The following ADGRL2 variants were observed in gnomAD, a reference collection of about 807,000 sequenced individuals.
ADGRL2 encodes the protein calcium-independent alpha-latrotoxin receptor 2.
In ADGRL2, 44 loss-of-function variants were observed where a neutral mutation model predicts 157.4. The observed-to-expected ratio is 0.28, with a 90% CI of 0.22 to 0.36. The LOEUF (loss-of-function observed/expected upper bound fraction) is 0.36. Ranked by LOEUF, ADGRL2 falls within the 10% of genes least tolerant of loss-of-function variation. The pLI is 1.00. For missense variants in ADGRL2, 1,510 were observed against 1,768.9 expected (o/e 0.85, Z 2.63); for synonymous variants, 585 against 624.7 (o/e 0.94, Z 0.95).
intron 11 of ADGRL2, among the ~76,000 whole-genome samples, chr1:81,957,758 T>C (rs1654013430): frequency 1.3e-5 from 2 of 152,220 alleles, no homozygotes; most frequent in Non-Finnish European, 2.9e-5. Flanking sequence ...TTATTTTTAA[T>C]GTTGATCTTT....
intron 2 of ADGRL2, among the ~76,000 whole-genome samples, chr1:81,468,852 A>T (rs369747034): frequency 3.3e-5 from 5 of 152,292 alleles, no homozygotes; most frequent in African/African-American, 1.2e-4. Flanking sequence ...ATATACTGAG[A>T]TGGTAAGAGA....
At chr1:81,981,572 T>A (rs1661682375) in intron 18 of ADGRL2, among the ~76,000 whole-genome samples, 2 of 151,988 alleles carry the variant, frequency 1.3e-5, no homozygotes, top group Non-Finnish European at 2.9e-5. Context: ...GTTTTGATAC[T>A]TTGTTTATTC....
intron 1 of ADGRL2, among the ~76,000 whole-genome samples, chr1:81,388,368 A>T (rs2076474813): frequency 6.6e-6 from 1 of 152,184 alleles, no homozygotes; most frequent in Non-Finnish European, 1.5e-5. Flanking sequence ...TCAAGTTCAT[A>T]GATTAGAGAT....
chr1:81,342,607 T>A (rs977054402), intron 1 of ADGRL2, among the ~76,000 whole-genome samples: 1 of 152,324 alleles, frequency 6.6e-6, no homozygotes, highest in East Asian at 1.9e-4. Flanking sequence ...ATCACTCTAA[T>A]AGGTTTTAAA....
At chr1:81,937,916 G>A (rs2095333503) in intron 4 of ADGRL2, among the ~76,000 whole-genome samples, 2 of 151,800 alleles carry the variant, frequency 1.3e-5, no homozygotes, top group Non-Finnish European at 2.9e-5. Flanking sequence ...CGATATGGTA[G>A]TAATACATTC....
At chr1:81,896,927 G>A (rs997474080) in intron 2 of ADGRL2, among the ~76,000 whole-genome samples, 12 of 152,036 alleles carry the variant, frequency 7.9e-5, no homozygotes, top group Non-Finnish European at 1.5e-4. Flanking sequence ...CCTTTCCTAC[G>A]TTTTGGCATT....
chr1:81,942,344 T>A (rs915877100), intron 5 of ADGRL2, among the ~76,000 whole-genome samples: 2 of 151,904 alleles, frequency 1.3e-5, no homozygotes, highest in Non-Finnish European at 2.9e-5. Flanking sequence ...TCATCTTGCC[T>A]GGCTTCCAGA....
At chr1:81,497,979 G>A (rs1190084361) in intron 2 of ADGRL2, among the ~76,000 whole-genome samples, 3 of 152,124 alleles carry the variant, frequency 2.0e-5, no homozygotes. Context: ...GGCCGAGGCG[G>A]GCAGATCACG....
intron 1 of ADGRL2, among the ~76,000 whole-genome samples, chr1:81,406,353 A>G (rs2076853637): frequency 6.6e-6 from 1 of 152,240 alleles, no homozygotes; most frequent in South Asian, 2.1e-4. Flanking sequence ...AGGACAGACT[A>G]CACGGGACCA....
chr1:81,518,189 G>A (rs1425012821), intron 2 of ADGRL2, among the ~76,000 whole-genome samples: 1 of 152,246 alleles, frequency 6.6e-6, no homozygotes, highest in Non-Finnish European at 1.5e-5. Flanking sequence ...GCGTGAAGCT[G>A]CAGACAGGCA....
At chr1:81,926,320 C>A (rs2095105335) in intron 3 of ADGRL2, among the ~76,000 whole-genome samples, 1 of 151,850 alleles carries the variant, frequency 6.6e-6, no homozygotes, top group South Asian at 2.1e-4. Context: ...AGAAAAATAA[C>A]CCACGACAAA....
chr1:81,453,124 G>A (rs965839878), intron 2 of ADGRL2, among the ~76,000 whole-genome samples: 1 of 152,164 alleles, frequency 6.6e-6, no homozygotes, highest in East Asian at 1.9e-4. Context: ...TACACAAGGT[G>A]TGTCTAGCTC....
At chr1:81,919,898 A>G (rs896712350) in intron 3 of ADGRL2, among the ~76,000 whole-genome samples, 4 of 152,164 alleles carry the variant, frequency 2.6e-5, no homozygotes, top group South Asian at 2.1e-4. Flanking sequence ...ATTTATTTCA[A>G]CCCTTGATGA....
chr1:81,715,179 AT>A (rs36125044), intron 1 of ADGRL2, among the ~76,000 whole-genome samples: 29,493 of 146,080 alleles, frequency 0.2, 3,433 homozygotes, highest in East Asian at 0.59. Flanking sequence ...AATTTAGTAA[AT>A]TTTTTTTTTT....
intron 3 of ADGRL2, among the ~76,000 whole-genome samples, chr1:81,589,560 T>G (rs935756838): frequency 4.6e-5 from 7 of 152,218 alleles, no homozygotes; most frequent in Non-Finnish European, 8.8e-5. Context: ...TTTGTTCAGT[T>G]GGCAGTACTC....
At chr1:81,420,779 C>T (rs1349318830) in intron 1 of ADGRL2, among the ~76,000 whole-genome samples, 1 of 152,084 alleles carries the variant, frequency 6.6e-6, no homozygotes, top group African/African-American at 2.4e-5. Context: ...TCTCCTAGGT[C>T]GTCGGTGGGA....
At chr1:81,546,039 G>A (rs1488813361) in intron 2 of ADGRL2, among the ~76,000 whole-genome samples, 1 of 152,148 alleles carries the variant, frequency 6.6e-6, no homozygotes, top group Non-Finnish European at 1.5e-5. Context: ...GGACGGATCA[G>A]TGCTCTTAAA....
In ADGRL2 at chr1:81,984,667, G is replaced by T. The variant is rs1344144083; in HGVS notation, c.3367G>T (p.Ala1123Ser). The T allele has an allele frequency of 1.2e-6, 2 of 1,612,888 alleles. No individual in the cohort carries two copies. Among genetic ancestry groups the T allele is most frequent in the Non-Finnish European group, 1.7e-6 (2 of 1,179,240 alleles). Residue 1123 changes from alanine to serine, a missense_variant, in exon 20 of 24, where the codon GCA becomes TCA. Physicochemically the swap from Ala to Ser is moderately conservative, Grantham distance 99. Around this residue, in one of 4 missense-constraint regions of ADGRL2, gnomAD observed 497 missense variants for 627.2 expected, o/e 0.79. Transcript: ENST00000686636. ...TGAGAGTCCCCACAGTTCAGTGAAG[G>T]CATCAACCACCAGAACCAGTGCTCG... Reference protein sequence around the residue: ...PTESPHSSVKASTTRTSARYS... With the variant: ...PTESPHSSVKSSTTRTSARYS...
At chr1:81,532,969 TATC>T (rs201351348) in intron 2 of ADGRL2, among the ~76,000 whole-genome samples, 1 of 138,626 alleles carries the variant, frequency 7.2e-6, no homozygotes, top group African/African-American at 3.0e-5. Context: ...TCTATCTATC[TATC>T]ATCTATCTAT....
Sources: allele counts gnomAD v4.1 joint callset (sites outside exome capture counted in the v4.1 genomes callset), GRCh38; gene constraint gnomAD v4.1.1; regional missense constraint gnomAD v4.1.1; transcripts MANE v1.5; gene names NCBI Gene and HGNC (gene_info 2026-07-23, HGNC 2026-07-21).